Variants in TOPORS observed in about 807,000 individuals in gnomAD.
TOPORS encodes E3 ubiquitin-protein ligase Topors.
TOPORS carries 25 observed loss-of-function variants against 81.4 expected under a neutral mutation model. That is an observed-to-expected ratio of 0.31 (90% CI 0.22 to 0.43). The LOEUF is 0.43. TOPORS is among the 20% of genes least tolerant of loss of function. The pLI is 1.00. For missense variants in TOPORS, 1,101 were observed against 1,267.0 expected, an observed-to-expected ratio of 0.87 and a Z score of 1.99; for synonymous variants, 473 against 456.6, an observed-to-expected ratio of 1.04 and a Z score of -0.46.
intron 2 of TOPORS, among the ~76,000 whole-genome samples, chr9:32,544,787 C>T (rs1821120306): frequency 6.6e-6 from 1 of 152,028 alleles, no homozygotes; most frequent in South Asian, 2.1e-4. Context: ...GTATCCACCA[C>T]TTATGTTATG....
Position 32,552,370 on chromosome 9 carries a change from C to T in TOPORS, c.3+64G>A, listed in dbSNP as rs1304859451. The T allele has an allele frequency of 7.5e-6, 12 of 1,595,988 alleles. No individual in the cohort carries two copies. In the Admixed American group the frequency reaches 8.7e-5, roughly 12 times the overall value. On this transcript the variant is annotated intron_variant, in intron 1 of 2. Transcript: ENST00000360538. Reference sequence around the variant, plus strand: ...GCTGCTGGCGCCTGGCAGCCACCGCCTGGGAGGTTACTGTAAGGCCCGCAG... The same window carrying T: ...GCTGCTGGCGCCTGGCAGCCACCGCTTGGGAGGTTACTGTAAGGCCCGCAG...
Position 32,542,208 on chromosome 9 carries a change from A to C in TOPORS, c.2317T>G (p.Ser773Ala). ...YYERHRSRSL[S>A]SNRSRTASTG... ...GATGCAGTCCTTGATCTGTTACTAG[A>C]CAGGCTCCTTGATCTGTGCCTTTCA... The change falls in exon 3 of 3, where the codon TCT (serine) becomes GCT (alanine). Residue 773 changes from serine to alanine, a missense_variant. Physicochemically the swap from Ser to Ala is moderately conservative, Grantham distance 99 (BLOSUM62 1). Around this residue, in one of 9 missense-constraint regions of TOPORS, gnomAD observed 605 missense variants for 636.1 expected, o/e 0.95. Coordinates refer to ENST00000360538, the MANE Select transcript of TOPORS (RefSeq NM_005802.5). 1 of 1,614,194 alleles carries C rather than the reference A, an allele frequency of 6.2e-7. No homozygotes were observed. Among genetic ancestry groups the C allele is most frequent in the Non-Finnish European group, 8.5e-7 (1 of 1,180,038 alleles).
rs964781087 is a variant in TOPORS at position 32,544,254 on chromosome 9, G to C, written c.271C>G (p.Gln91Glu). Residue 91 changes from glutamine (Q) to glutamate (E), a missense_variant, in exon 3 of 3, where the codon CAG becomes GAG. This residue lies in a region of TOPORS where 48 missense variants were observed against 73.3 expected (regional missense o/e 0.65). Transcript: ENST00000360538. ...GGAGATGCATCAGCTGGTACTGTCTGTTGCAATTTGCTAGTGCCAGCTTTA... is the reference window on the plus strand; with the variant it reads ...GGAGATGCATCAGCTGGTACTGTCTCTTGCAATTTGCTAGTGCCAGCTTTA... ...SPKAGTSKLQ[Q>E]TVPADASPDS... The C allele has an allele frequency of 6.2e-7, 1 of 1,608,198 alleles. No individual in the cohort carries two copies. Among genetic ancestry groups the C allele is most frequent in the African/African-American group, 1.3e-5 (1 of 74,904 alleles).
In TOPORS at chr9:32,550,882, T is replaced by C; in HGVS notation, c.90A>G (p.Arg30=). ...PPAPASEGRR[R]SRRVRLRGSC... is the part of the protein sequence containing the mutation. ...ATCCGCGAAGGCGTACCCGGCGACT[T>C]CTCCGCCTACCCTCCGAAGCGGGAG... Residue 30 remains arginine (R), a synonymous_variant, in exon 2 of 3, where the codon AGA becomes AGG. Transcript: ENST00000360538. 1 of 1,612,986 alleles carries C rather than the reference T, an allele frequency of 6.2e-7. No homozygotes were observed. Among genetic ancestry groups the C allele is most frequent in the African/African-American group, 1.3e-5 (1 of 75,018 alleles).
rs1158916717 is a variant in TOPORS at position 32,542,418 on chromosome 9, C to G, written c.2107G>C (p.Glu703Gln). 1.2e-6 allele frequency: 2 copies of G among 1,613,664 alleles called. No homozygotes were observed. The highest frequency in any genetic ancestry group is 2.2e-5 in the South Asian group (2 of 91,080). The change falls in exon 3 of 3, where the codon GAG becomes CAG. Residue 703 changes from glutamate to glutamine, a missense_variant. Physicochemically the swap from Glu to Gln is conservative, Grantham distance 29 (BLOSUM62 2). Around this residue, in one of 9 missense-constraint regions of TOPORS, gnomAD observed 605 missense variants for 636.1 expected, o/e 0.95. Coordinates refer to ENST00000360538, the MANE Select transcript of TOPORS (RefSeq NM_005802.5). ...RNNYGSRYKW[E>Q]YTYYSRNKDR... ...TTGTTTCTACTGTAATAAGTATACT[C>G]CCATTTGTATCTGCTTCCATAATTA...
chr9:32,549,218 A>G (rs975163939), intron 2 of TOPORS, among the ~76,000 whole-genome samples: 15 of 152,078 alleles, frequency 9.9e-5, no homozygotes, highest in Non-Finnish European at 1.5e-4. Context: ...GAGGCAGGGG[A>G]ATGGCGTGAA....
rs1387404264 is a variant in TOPORS at position 32,543,665 on chromosome 9, C to A, written c.860G>T (p.Arg287Leu). 1 of 1,612,826 alleles carries A rather than the reference C, an allele frequency of 6.2e-7. No homozygotes were observed. Among genetic ancestry groups the A allele is most frequent in the Admixed American group, 1.7e-5 (1 of 60,000 alleles). The change falls in exon 3 of 3, where the codon CGT becomes CTT. Residue 287 changes from arginine (R) to leucine (L), a missense_variant. By Grantham distance (102) the Arg-to-Leu change is moderately radical. Coordinates refer to ENST00000360538, the MANE Select transcript of TOPORS (RefSeq NM_005802.5). This position sits in a 1 kb window ranked among gnomAD's most constrained non-coding sequence, Gnocchi z 5.6. Reference protein sequence around the residue: ...RYRDISAEFFRRNPACLHRLV... With the variant: ...RYRDISAEFFLRNPACLHRLV... ...TCTGTGAAGGCAAGCTGGATTTCTA[C>A]GGAAAAATTCAGCTGAAATATCCCT...
At chr9:32,550,415 TTA>T (rs1214102734) in intron 2 of TOPORS, among the ~76,000 whole-genome samples, 1 of 152,246 alleles carries the variant, frequency 6.6e-6, no homozygotes, top group African/African-American at 2.4e-5. Flanking sequence ...TATTCCCATT[TTA>T]CAGACAGGCT....
rs755963868 is a variant in TOPORS at position 32,543,408 on chromosome 9, T to C, written c.1117A>G (p.Asn373Asp). 2.5e-6 allele frequency: 4 copies of C among 1,613,830 alleles called. No homozygotes were observed. The highest frequency in any genetic ancestry group is 3.4e-6 in the Non-Finnish European group (4 of 1,179,774). ...TATGAAGGAGCAGGGCAATCATAAT[T>C]GGCATGCTGGTCAAAGGCTGCCATG... ...FNMAAFDQHA[N>D]YDCPAPSYEE... is the part of the protein sequence containing the mutation. The change falls in exon 3 of 3, where the codon AAT becomes GAT. Residue 373 changes from asparagine to aspartate, a missense_variant. Physicochemically the swap from Asn to Asp is conservative, Grantham distance 23 (BLOSUM62 1). Around this residue, in one of 9 missense-constraint regions of TOPORS, gnomAD observed 69 missense variants for 153.6 expected, o/e 0.45. Coordinates refer to ENST00000360538, the MANE Select transcript of TOPORS (RefSeq NM_005802.5). The surrounding 1 kb of genome is among the most constrained non-coding windows in gnomAD (Gnocchi z 5.6).
intron 1 of TOPORS, chr9:32,551,472 G>A (rs955311869): frequency 3.3e-5 from 9 of 269,086 alleles, no homozygotes; most frequent in Non-Finnish European, 6.8e-5. Context: ...CCTCCAGGCT[G>A]GGGAGAAACA....
Position 32,542,846 on chromosome 9 carries a change from T to G in TOPORS, c.1679A>C (p.Lys560Thr), listed in dbSNP as rs773168843. The G allele has an allele frequency of 6.2e-7, 1 of 1,614,122 alleles. No individual in the cohort carries two copies. Among genetic ancestry groups the G allele is most frequent in the Non-Finnish European group, 8.5e-7 (1 of 1,180,026 alleles). Residue 560 changes from lysine to threonine, a missense_variant, in exon 3 of 3, where the codon AAG (lysine) becomes ACG (threonine). This residue lies in a region of TOPORS where 605 missense variants were observed against 636.1 expected (regional missense o/e 0.95). Coordinates refer to ENST00000360538, the MANE Select transcript of TOPORS (RefSeq NM_005802.5). ...CAATGATGTAGATCGTTTCTCTTCC[T>G]TCTTTGATTTGATTCTTGTACTAGA... is the stretch of plus-strand genomic sequence containing the variant. ...CDSSTRIKSK[K>T]EEKRSTSLSS...
chr9:32,542,010 C>T lies in TOPORS; in HGVS notation c.2515G>A (p.Glu839Lys). The change falls in exon 3 of 3, where the codon GAG becomes AAG. Residue 839 changes from glutamate to lysine, a missense_variant. By Grantham distance (56) the Glu-to-Lys change is moderately conservative (BLOSUM62 1). Around this residue, in one of 9 missense-constraint regions of TOPORS, gnomAD observed 605 missense variants for 636.1 expected, o/e 0.95. Coordinates refer to ENST00000360538, the MANE Select transcript of TOPORS (RefSeq NM_005802.5). ...CGGCTGTCTGAAAAGGTATCACTCT[C>T]ATTTTTGTAGTTTCCATCCAATTTT... ...SSKLDGNYKN[E>K]SDTFSDSRSS... The T allele has an allele frequency of 6.2e-7, 1 of 1,614,022 alleles. No homozygotes were observed.
At position 32,543,591 on chromosome 9, in the gene TOPORS, C is replaced by T. The variant is rs1450153121; in HGVS notation, c.934G>A (p.Gly312Arg). ...RELTVLFGAH[G>R]SLVNIVQHII... is the part of the protein sequence containing the mutation. The stretch of plus-strand genomic sequence containing the variant: ...TGCTGGACAATATTCACTAAAGATC[C>T]ATGAGCTCCAAAAAGAACTGTAAGT... Residue 312 changes from glycine (G) to arginine (R), a missense_variant, in exon 3 of 3, where the codon GGA becomes AGA. Around this residue, in one of 9 missense-constraint regions of TOPORS, gnomAD observed 69 missense variants for 153.6 expected, o/e 0.45. Coordinates refer to ENST00000360538, the MANE Select transcript of TOPORS (RefSeq NM_005802.5). The surrounding 1 kb of genome is among the most constrained non-coding windows in gnomAD (Gnocchi z 5.6). 20 of 1,611,766 alleles carry T rather than the reference C, an allele frequency of 1.2e-5. No individual in the cohort carries two copies. The highest frequency in any genetic ancestry group is 1.6e-5 in the Non-Finnish European group (19 of 1,178,904).
intron 2 of TOPORS, among the ~76,000 whole-genome samples, chr9:32,549,579 A>C (rs1425725155): frequency 6.6e-6 from 1 of 152,148 alleles, no homozygotes; most frequent in African/African-American, 2.4e-5. Context: ...CACAGTAAGA[A>C]CTCAACAATG....
At position 32,543,198 on chromosome 9, in the gene TOPORS, C is replaced by T. The variant is rs201027247; in HGVS notation, c.1327G>A (p.Asp443Asn). The T allele has an allele frequency of 6.2e-7, 1 of 1,613,720 alleles. No individual in the cohort carries two copies. Among genetic ancestry groups the T allele is most frequent in the East Asian group, 2.2e-5 (1 of 44,892 alleles). The change falls in exon 3 of 3, where the codon GAC (aspartate) becomes AAC (asparagine). Residue 443 changes from aspartate (D) to asparagine (N), a missense_variant. Asp to Asn is a conservative substitution (Grantham distance 23, BLOSUM62 1). Around this residue, in one of 9 missense-constraint regions of TOPORS, gnomAD observed 103 missense variants for 112.1 expected, o/e 0.92. Coordinates refer to ENST00000360538, the MANE Select transcript of TOPORS (RefSeq NM_005802.5). The surrounding 1 kb of genome is among the most constrained non-coding windows in gnomAD (Gnocchi z 5.6). Reference protein sequence around the residue: ...VTMSSLLNTSDSSDEELVTGG... With the variant: ...VTMSSLLNTSNSSDEELVTGG... ...GTGACAAGTTCTTCATCTGAACTGT[C>T]AGAAGTATTTAAAAGAGAAGACATA...
In TOPORS at chr9:32,550,859, C is replaced by A. The variant is rs975549203; in HGVS notation, c.113G>T (p.Gly38Val). 3.1e-6 allele frequency: 5 copies of A among 1,612,930 alleles called. No homozygotes were observed. In the African/African-American group the frequency reaches 4.0e-5, roughly 13 times the overall value. The stretch of plus-strand genomic sequence containing the variant: ...AAAGCTAGGTCGGTGTCGGCAGGAT[C>A]CGCGAAGGCGTACCCGGCGACTTCT... ...RRRSRRVRLR[G>V]SCRHRPSFLG... Residue 38 changes from glycine (G) to valine (V), a missense_variant, in exon 2 of 3, where the codon GGA becomes GTA. Gly to Val is a moderately radical substitution (Grantham distance 109). Coordinates refer to ENST00000360538, the MANE Select transcript of TOPORS (RefSeq NM_005802.5).
At chr9:32,549,345 GC>G (rs1821188558) in intron 2 of TOPORS, among the ~76,000 whole-genome samples, 1 of 152,120 alleles carries the variant, frequency 6.6e-6, no homozygotes, top group Admixed American at 6.5e-5. Flanking sequence ...GTCATCTATG[GC>G]ATACACTGTA....
rs1821106786 is a variant in TOPORS, at chr9:32,543,837, A to G, written c.688T>C (p.Phe230Leu). The G allele has an allele frequency of 1.9e-6, 3 of 1,614,034 alleles. No homozygotes were observed. The highest frequency in any genetic ancestry group is 2.7e-5 in the African/African-American group (2 of 74,932). Reference protein sequence around the residue: ...TRPRDVEIPQFMRQIAVRRPT... With the variant: ...TRPRDVEIPQLMRQIAVRRPT... ...CTCCTTACTGCAATCTGTCTCATAA[A>G]CTGAGGAATTTCAACATCTCTAGGT... The change falls in exon 3 of 3, where the codon TTT becomes CTT. Residue 230 changes from phenylalanine to leucine, a missense_variant. By Grantham distance (22) the Phe-to-Leu change is conservative. This residue lies in a region of TOPORS where 120 missense variants were observed against 115.4 expected (regional missense o/e 1.04). Transcript: ENST00000360538. This position sits in a 1 kb window ranked among gnomAD's most constrained non-coding sequence, Gnocchi z 5.6.
At chr9:32,552,095 G>C in intron 1 of TOPORS, 1 of 521,434 alleles carries the variant, frequency 1.9e-6, no homozygotes, top group East Asian at 3.3e-5. Context: ...AAATGGACAC[G>C]ACAGCACCTT....
Sources: allele counts gnomAD v4.1 joint callset (sites outside exome capture counted in the v4.1 genomes callset), GRCh38; gene constraint gnomAD v4.1.1; regional missense constraint gnomAD v4.1.1; non-coding constraint Gnocchi (gnomAD v3.1); transcripts MANE v1.5; gene names NCBI Gene and HGNC (gene_info 2026-07-23, HGNC 2026-07-21).